Variants in ELF3 observed in about 807,000 individuals in gnomAD.
ELF3 encodes ETS-related transcription factor Elf-3.
In ELF3, 18 loss-of-function variants were observed where a neutral mutation model predicts 43.9. The ratio of observed to expected loss-of-function variants is 0.41; its 90% confidence interval spans 0.28 to 0.61. ELF3 has a LOEUF of 0.61. Among genes scored for constraint, ELF3 ranks in the 20% least tolerant of loss-of-function variants. The probability of loss-of-function intolerance (pLI) is 0.30; values close to 1 mark genes in which losing one functional copy is unlikely to be tolerated. For missense variants in ELF3, 373 were observed against 487.7 expected, an observed-to-expected ratio of 0.76 and a Z score of 2.21; for synonymous variants, 181 against 190.2, an observed-to-expected ratio of 0.95 and a Z score of 0.40.
In ELF3 at chr1:202,013,736, C is replaced by G; in HGVS notation, c.806-93C>G. 1 of 1,399,312 alleles carries G rather than the reference C, an allele frequency of 7.1e-7. No homozygotes were observed. The highest frequency in any genetic ancestry group is 9.6e-7 in the Non-Finnish European group (1 of 1,037,452). The allele number at this position is 1,399,312 out of a possible 1,614,324, so 86.7% of individuals were successfully genotyped here. ...TGGAGAGGCTTGCTGCATGCTGTGG[C>G]CAAGTCAGCAGTGCACTGGGGCGGG... On this transcript the variant is annotated intron_variant, in intron 7 of 8. Transcript: ENST00000367284. The surrounding 1 kb of genome is among the most constrained non-coding windows in gnomAD (Gnocchi z 5.7).
intron 2 of ELF3, 109 bp downstream of exon 2, chr1:202,011,408 C>T: frequency 7.3e-7 from 1 of 1,369,448 alleles, no homozygotes; most frequent in Non-Finnish European, 9.7e-7. Flanking sequence ...AGGCAAATTC[C>T]AGGGCTAGAG....
chr1:202,013,416 T>A lies in ELF3; in HGVS notation c.805+118T>A. 3 of 1,031,750 alleles carry A rather than the reference T, an allele frequency of 2.9e-6. No individual in the cohort carries two copies. The highest frequency in any genetic ancestry group is 2.4e-5 in the East Asian group (1 of 41,610). 63.9% of individuals were successfully genotyped at this position (1,031,750 alleles called of 1,614,324 possible). The stretch of plus-strand genomic sequence containing the variant: ...TCTCTGGCCTCCGCATGGCCTTTGG[T>A]AAGGCTGTGCACAAGCTGGGGGCTC... On this transcript the variant is annotated intron_variant, in intron 7 of 8. Transcript: ENST00000367284. The surrounding 1 kb of genome is among the most constrained non-coding windows in gnomAD (Gnocchi z 5.7).
In ELF3 at chr1:202,012,987, T is replaced by A. The variant is rs757558223; in HGVS notation, c.639T>A (p.Gly213=). Reference sequence around the variant, plus strand: ...GGAGCTCCCACTCCTCAGACTCCGGTGGAAGTGACGTGGACCTGGATCCCA... The same window carrying A: ...GGAGCTCCCACTCCTCAGACTCCGGAGGAAGTGACGTGGACCTGGATCCCA... ...ASRSSHSSDS[G]GSDVDLDPTD... The change falls in exon 6 of 9, where the codon GGT becomes GGA. Residue 213 remains glycine (G), a synonymous_variant. Coordinates refer to ENST00000367284, the MANE Select transcript of ELF3 (RefSeq NM_004433.5). The surrounding 1 kb of genome is among the most constrained non-coding windows in gnomAD (Gnocchi z 4.2). 2 of 1,613,626 alleles carry A rather than the reference T, an allele frequency of 1.2e-6. No homozygotes were observed. The highest frequency in any genetic ancestry group is 1.7e-6 in the Non-Finnish European group (2 of 1,179,804).
chr1:202,013,682 T>C lies in ELF3; in HGVS notation c.806-147T>C. The C allele has an allele frequency of 2.3e-6, 2 of 854,414 alleles. No homozygotes were observed. The highest frequency in any genetic ancestry group is 1.7e-5 in the African/African-American group (1 of 58,512). 52.9% of individuals were successfully genotyped at this position (854,414 alleles called of 1,614,324 possible). ...CTGAGGAGAAAAGCAGTCACTGCAGTACCCGCACAGAGGGCACTGCGGGGT... is the reference window on the plus strand; with the variant it reads ...CTGAGGAGAAAAGCAGTCACTGCAGCACCCGCACAGAGGGCACTGCGGGGT... On this transcript the variant is annotated intron_variant, in intron 7 of 8. Coordinates refer to ENST00000367284, the MANE Select transcript of ELF3 (RefSeq NM_004433.5). The surrounding 1 kb of genome is among the most constrained non-coding windows in gnomAD (Gnocchi z 5.7).
chr1:202,012,497 A>AGAGT lies in ELF3; in HGVS notation c.478+63_478+66dup, dbSNP rs1306860335. 9 of 1,577,098 alleles carry AGAGT rather than the reference A, an allele frequency of 5.7e-6. No individual in the cohort carries two copies. Among genetic ancestry groups the AGAGT allele is most frequent in the Non-Finnish European group, 6.0e-6 (7 of 1,162,322 alleles). On this transcript the variant is annotated intron_variant, in intron 4 of 8. Transcript: ENST00000367284. This position sits in a 1 kb window ranked among gnomAD's most constrained non-coding sequence, Gnocchi z 4.2. ...TCTTGTCCCATCCCTGCCCCTCCAC[A>AGAGT]GAGTGCTAGAGATGACCCCCTCCCC...
intron 8 of ELF3, chr1:202,014,973 G>T: frequency 2.1e-6 from 1 of 483,898 alleles, no homozygotes; most frequent in Non-Finnish European, 3.8e-6. Context: ...ATACAAAGAA[G>T]CAAAGGCAAA....
At chr1:202,011,504 G>T in intron 2 of ELF3, 1 of 596,746 alleles carries the variant, frequency 1.7e-6, no homozygotes, top group Non-Finnish European at 2.8e-6. Flanking sequence ...AGGGTGTTGT[G>T]AATGCTACCT....
chr1:202,014,682 G>A (rs751457400), intron 8 of ELF3, among the ~76,000 whole-genome samples: 9 of 151,972 alleles, frequency 5.9e-5, no homozygotes, highest in Non-Finnish European at 1.0e-4. Context: ...ATCTTGGCTC[G>A]CTACAACCTC....
At chr1:202,015,150 T>C in intron 8 of ELF3, 59 bp from the exon 9 acceptor site, 1 of 1,585,596 alleles carries the variant, frequency 6.3e-7, no homozygotes, top group Admixed American at 1.7e-5. Context: ...GTGGGCGGGC[T>C]GGCAGCCTGG....
At position 202,013,925 on chromosome 1, in the gene ELF3, G is replaced by T; in HGVS notation, c.902G>T (p.Gly301Val). 3 of 1,614,146 alleles carry T rather than the reference G, an allele frequency of 1.9e-6. No homozygotes were observed. Among genetic ancestry groups the T allele is most frequent in the Non-Finnish European group, 2.5e-6 (3 of 1,180,008 alleles). Residue 301 changes from glycine to valine, a missense_variant, in exon 8 of 9, where the codon GGC becomes GTC. Around this residue, in one of 3 missense-constraint regions of ELF3, gnomAD observed 61 missense variants for 115.9 expected, o/e 0.53. Transcript: ENST00000367284. This position sits in a 1 kb window ranked among gnomAD's most constrained non-coding sequence, Gnocchi z 5.7. ...GLMKWENRHEGVFKFLRSEAV... is the reference protein window; with the variant it reads ...GLMKWENRHEVVFKFLRSEAV... ...ATGAAGTGGGAGAATCGGCATGAAG[G>T]CGTCTTCAAGTTCCTGCGCTCCGAG...
At chr1:202,015,123 G>A (rs1684285913) in intron 8 of ELF3, 86 bp from the exon 9 acceptor site, 4 of 1,367,060 alleles carry the variant, frequency 2.9e-6, no homozygotes, top group Middle Eastern at 2.1e-4. Context: ...GGGTTACCTG[G>A]GGGTAACGCG....
At chr1:202,014,940 C>T in intron 8 of ELF3, 1 of 392,146 alleles carries the variant, frequency 2.6e-6, no homozygotes, top group Non-Finnish European at 4.8e-6. Context: ...ATTTAATGAT[C>T]AGACCCCAGT....
chr1:202,012,646 G>T lies in ELF3; in HGVS notation c.485G>T (p.Gly162Val), dbSNP rs55729978. The T allele has an allele frequency of 6.3e-7, 1 of 1,598,878 alleles. No individual in the cohort carries two copies. The highest frequency in any genetic ancestry group is 8.5e-7 in the Non-Finnish European group (1 of 1,172,008). ...TCTCACCTCCTCTTCCCAGACCAGG[G>T]CAGCCCCTTTGCCCAGGAGCTGCTG... ...EALDPGPFDQ[G>V]SPFAQELLDD... Residue 162 changes from glycine to valine, a missense_variant, in exon 5 of 9, where the codon GGC becomes GTC. Gly to Val is a moderately radical substitution (Grantham distance 109). Coordinates refer to ENST00000367284, the MANE Select transcript of ELF3 (RefSeq NM_004433.5). The surrounding 1 kb of genome is among the most constrained non-coding windows in gnomAD (Gnocchi z 4.2).
chr1:202,011,743 G>C (rs529825132), intron 2 of ELF3: 1 of 582,816 alleles, frequency 1.7e-6, no homozygotes, highest in African/African-American at 1.9e-5. Flanking sequence ...CCAGCGTGGT[G>C]GTGGGCACCT....
At chr1:202,014,060 G>A in intron 8 of ELF3, 36 bp downstream of exon 8, 1 of 1,572,280 alleles carries the variant, frequency 6.4e-7, no homozygotes, top group Non-Finnish European at 8.6e-7. Context: ...GATACAGCCG[G>A]ACATGGGGAC....
In ELF3 at chr1:202,013,151, C is replaced by T; in HGVS notation, c.689-31C>T. 6.2e-7 allele frequency: 1 copy of T among 1,611,906 alleles called. No homozygotes were observed. The highest frequency in any genetic ancestry group is 2.2e-5 in the East Asian group (1 of 44,842). The stretch of plus-strand genomic sequence containing the variant: ...TACTCTCCCTAACTCCCCTCTTGCC[C>T]CTCCTTGACCTTCCACCACCGTCCC... On this transcript the variant is annotated intron_variant, in intron 6 of 8. Transcript: ENST00000367284. The surrounding 1 kb of genome is among the most constrained non-coding windows in gnomAD (Gnocchi z 5.7).
intron 8 of ELF3, among the ~76,000 whole-genome samples, chr1:202,014,504 GC>G (rs1317031180): frequency 6.6e-6 from 1 of 152,136 alleles, no homozygotes; most frequent in Non-Finnish European, 1.5e-5. Context: ...CGTTGGCCAG[GC>G]CGGTCTCAAA....
rs1684297613 is a variant in ELF3 at position 202,015,726 on chromosome 1, T to TCTTTCTGGACTGGCGTTCACCTC, written c.*405_*427dup. On this transcript the variant is annotated 3_prime_UTR_variant, in exon 9 of 9. Coordinates refer to ENST00000367284, the MANE Select transcript of ELF3 (RefSeq NM_004433.5). ...GGACAGAGCAGGGGCTCCAGCACCT[T>TCTTTCTGGACTGGCGTTCACCTC]CTTTCTGGACTGGCGTTCACCTCCC... is the stretch of plus-strand genomic sequence containing the variant. The TCTTTCTGGACTGGCGTTCACCTC allele has an allele frequency of 5.1e-6, 1 of 194,856 alleles. No homozygotes were observed. Among genetic ancestry groups the TCTTTCTGGACTGGCGTTCACCTC allele is most frequent in the African/African-American group, 2.3e-5 (1 of 44,204 alleles). 12.1% of individuals were successfully genotyped at this position (194,856 alleles called of 1,614,324 possible). A position where few individuals can be genotyped will look rare whatever the true frequency, so the allele number is the denominator to read the frequency against.
chr1:202,011,103 C>G (rs377443400), intron 1 of ELF3, 26 bp from the exon 2 acceptor site: 100 of 1,612,302 alleles, frequency 6.2e-5, no homozygotes, highest in Non-Finnish European at 8.0e-5. Context: ...CCTCACCAAC[C>G]TCATCCTCTC....
Sources: gnomAD v4.1 joint callset for allele counts (sites outside exome capture counted in the v4.1 genomes callset) on GRCh38, gnomAD v4.1.1 for gene constraint, gnomAD v4.1.1 regional missense constraint, Gnocchi (gnomAD v3.1) non-coding constraint, MANE v1.5 for transcripts, NCBI Gene and HGNC (gene_info 2026-07-23, HGNC 2026-07-21) for gene names.